The following HCN3 variants were observed in gnomAD, a reference collection of about 807,000 sequenced individuals.
HCN3 encodes potassium/sodium hyperpolarization-activated cyclic nucleotide-gated channel 3.
In HCN3, 36 loss-of-function variants were observed where a neutral mutation model predicts 56.8. The ratio of observed to expected loss-of-function variants is 0.63; its 90% CI spans 0.49 to 0.84. The LOEUF is 0.84. Ranked by LOEUF, HCN3 falls within the 40% of genes least tolerant of loss-of-function variation. The pLI is 0.00. For synonymous variants in HCN3, 425 were observed against 439.7 expected (o/e 0.97, Z 0.42); for missense variants, 930 against 1,079.3 (o/e 0.86, Z 1.94).
chr1:155,277,998 A>G, intron 1 of HCN3, 130 bp downstream of exon 1: 1 of 1,160,894 alleles, frequency 8.6e-7, no homozygotes, highest in Non-Finnish European at 1.2e-6. Flanking sequence ...GTGGGGCGGG[A>G]GAGTCACTTG....
rs769959040 is a variant in HCN3 at position 155,288,307 on chromosome 1, A to AACAGGCG, written c.2171_2177dup (p.Gly727ArgfsTer8). On this transcript the variant is annotated frameshift_variant, in exon 8 of 8. Transcript: ENST00000368358. LOFTEE classifies it high-confidence loss of function. This position sits in a 1 kb window ranked among gnomAD's most constrained non-coding sequence, Gnocchi z 6.5. ...CCCAACCCTCTCTGCCTCAGCGGGC[A>AACAGGCG]ACAGGCGATGGCTCTCCTGGGCGTA... is the stretch of plus-strand genomic sequence containing the variant. The AACAGGCG allele has an allele frequency of 1.2e-6, 2 of 1,613,194 alleles. No individual in the cohort carries two copies. Among genetic ancestry groups the AACAGGCG allele is most frequent in the Non-Finnish European group, 1.7e-6 (2 of 1,179,822 alleles).
chr1:155,287,052 T>A (rs1272197700), intron 6 of HCN3, 121 bp from the exon 7 acceptor site: 1 of 1,121,840 alleles, frequency 8.9e-7, no homozygotes, highest in African/African-American at 1.6e-5. Flanking sequence ...TAATAGGTAA[T>A]CAATGGTTTC....
At chr1:155,283,256 C>A (rs1674147550) in intron 2 of HCN3, among the ~76,000 whole-genome samples, 1 of 152,008 alleles carries the variant, frequency 6.6e-6, no homozygotes, top group African/African-American at 2.4e-5. Flanking sequence ...CTATAGGAGA[C>A]TTGGTTTTCT....
In HCN3 at chr1:155,282,696, A is replaced by C. The variant is rs777544371; in HGVS notation, c.564A>C (p.Leu188=). 1 of 1,614,040 alleles carries C rather than the reference A, an allele frequency of 6.2e-7. No homozygotes were observed. The highest frequency in any genetic ancestry group is 2.2e-5 in the East Asian group (1 of 44,866). The part of the protein sequence containing the change: ...ISSIPVDYIF[L]VVELEPRLDA... ...CTATCCCTGTGGATTACATCTTCCT[A>C]GTGGTGGAGCTGGAGCCACGGTTGG... Residue 188 remains leucine (L), a synonymous_variant, in exon 2 of 8, where the codon CTA becomes CTC. Coordinates refer to ENST00000368358, the MANE Select transcript of HCN3 (RefSeq NM_020897.3). This position sits in a 1 kb window ranked among gnomAD's most constrained non-coding sequence, Gnocchi z 4.7.
In HCN3 at chr1:155,284,188, C is replaced by A; in HGVS notation, c.870+53C>A. ...CCTGGGCCTTCTTAGGGCTCTTCTGCCTGAGTAGCAGGGATGGCCACAGGG... is the reference window on the plus strand; with the variant it reads ...CCTGGGCCTTCTTAGGGCTCTTCTGACTGAGTAGCAGGGATGGCCACAGGG... On this transcript the variant is annotated intron_variant, in intron 3 of 7. Transcript: ENST00000368358. This position sits in a 1 kb window ranked among gnomAD's most constrained non-coding sequence, Gnocchi z 4.3. 1.9e-6 allele frequency: 3 copies of A among 1,589,712 alleles called. No homozygotes were observed. The highest frequency in any genetic ancestry group is 2.6e-6 in the Non-Finnish European group (3 of 1,163,010).
Position 155,285,240 on chromosome 1 carries a change from G to A in HCN3, c.1165G>A (p.Glu389Lys). The A allele has an allele frequency of 6.2e-7, 1 of 1,614,228 alleles. No individual in the cohort carries two copies. Among genetic ancestry groups the A allele is most frequent in the Non-Finnish European group, 8.5e-7 (1 of 1,180,034 alleles). The change falls in exon 5 of 8, where the codon GAG (glutamate) becomes AAG (lysine). Residue 389 changes from glutamate (E) to lysine (K), a missense_variant. Transcript: ENST00000368358. The surrounding 1 kb of genome is among the most constrained non-coding windows in gnomAD (Gnocchi z 4.5). ...GCGGCAGCGCATCCACGAGTACTAT[G>A]AGCACCGCTACCAGGGCAAGATGTT... ...DTRQRIHEYY[E>K]HRYQGKMFDE...
intron 1 of HCN3, among the ~76,000 whole-genome samples, chr1:155,281,232 A>G (rs911347863): frequency 3.3e-5 from 5 of 150,778 alleles, no homozygotes; most frequent in African/African-American, 1.2e-4. Flanking sequence ...CACCATGCCC[A>G]GCTAATTTTT....
rs573851200 is a variant in HCN3 at position 155,281,342 on chromosome 1, T to A, written c.279-1069T>A. ...TCTTGGCCTCCCAAAGTGCTGGGAT[T>A]ACAGGCGTGAGCCACCACACCTGGC... On this transcript the variant is annotated intron_variant, in intron 1 of 7. Coordinates refer to ENST00000368358, the MANE Select transcript of HCN3 (RefSeq NM_020897.3). Among the ~76,000 whole-genome samples, 7 of 152,070 alleles carry A rather than the reference T, an allele frequency of 4.6e-5. No homozygotes were observed. In the East Asian group the frequency reaches 1.4e-3, roughly 29 times the overall value.
At position 155,288,745 on chromosome 1, in the gene HCN3, A is replaced by G; in HGVS notation, c.*282A>G. On this transcript the variant is annotated 3_prime_UTR_variant, in exon 8 of 8. Transcript: ENST00000368358. This position sits in a 1 kb window ranked among gnomAD's most constrained non-coding sequence, Gnocchi z 6.5. ...GCGCTGTATGTCTCCACTGCCAAGT[A>G]GAAGTGACTCAAAACCCTCTGACAA... The G allele has an allele frequency of 2.2e-6, 1 of 448,194 alleles. No individual in the cohort carries two copies. Among genetic ancestry groups the G allele is most frequent in the African/African-American group, 2.0e-5 (1 of 50,410 alleles). 27.8% of individuals were successfully genotyped at this position (448,194 alleles called of 1,614,324 possible).
rs1024016975 is a variant in HCN3 at position 155,284,474 on chromosome 1, G to A, written c.871-65G>A. 18 of 1,481,040 alleles carry A rather than the reference G, an allele frequency of 1.2e-5. No individual in the cohort carries two copies. In the Admixed American group the frequency reaches 2.7e-4, roughly 23 times the overall value. 91.7% of individuals were successfully genotyped at this position (1,481,040 alleles called of 1,614,324 possible). On this transcript the variant is annotated intron_variant, in intron 3 of 7. Transcript: ENST00000368358. The surrounding 1 kb of genome is among the most constrained non-coding windows in gnomAD (Gnocchi z 4.3). Reference sequence around the variant, plus strand: ...GACAGAAAGACCAAAGAAGGAAAAGGGGCAGGCAGAGAATGAGGCTCCGAG... The same window carrying A: ...GACAGAAAGACCAAAGAAGGAAAAGAGGCAGGCAGAGAATGAGGCTCCGAG...
chr1:155,286,440 A>T (rs12724449), intron 6 of HCN3, among the ~76,000 whole-genome samples: 3 of 152,118 alleles, frequency 2.0e-5, no homozygotes, highest in South Asian at 2.1e-4. Flanking sequence ...TCACCGTGCC[A>T]GGCCTGAGCT....
chr1:155,287,666 C>A (rs1674344653), intron 7 of HCN3, 115 bp from the exon 8 acceptor site: 3 of 1,380,384 alleles, frequency 2.2e-6, no homozygotes, highest in South Asian at 2.9e-5. Flanking sequence ...CTACTGACTC[C>A]CATCCCCTAC....
Position 155,282,760 on chromosome 1 carries a change from G to A in HCN3, c.628G>A (p.Val210Ile). 6.2e-7 allele frequency: 1 copy of A among 1,614,042 alleles called. No homozygotes were observed. Among genetic ancestry groups the A allele is most frequent in the Non-Finnish European group, 8.5e-7 (1 of 1,180,008 alleles). ...CAAAACGGCACGGGCCCTACGCATC[G>A]TTCGCTTCACCAAGATCCTAAGCCT... is the stretch of plus-strand genomic sequence containing the variant. The part of the protein sequence containing the change: ...VYKTARALRI[V>I]RFTKILSLLR... The change falls in exon 2 of 8, where the codon GTT becomes ATT. Residue 210 changes from valine (V) to isoleucine (I), a missense_variant. Val to Ile is a conservative substitution (Grantham distance 29, BLOSUM62 3). Transcript: ENST00000368358. The surrounding 1 kb of genome is among the most constrained non-coding windows in gnomAD (Gnocchi z 4.7).
At position 155,282,322 on chromosome 1, in the gene HCN3, A is replaced by G. The variant is rs980897434; in HGVS notation, c.279-89A>G. ...ATTCTGTTATTGTGTATCTTTGCCC[A>G]TTCTTGGCCATGTCAGCCTATCTTC... On this transcript the variant is annotated intron_variant, in intron 1 of 7. Coordinates refer to ENST00000368358, the MANE Select transcript of HCN3 (RefSeq NM_020897.3). This position sits in a 1 kb window ranked among gnomAD's most constrained non-coding sequence, Gnocchi z 4.7. 142 of 1,263,366 alleles carry G rather than the reference A, an allele frequency of 1.1e-4. No individual in the cohort carries two copies. Among genetic ancestry groups the G allele is most frequent in the Non-Finnish European group, 1.6e-4 (138 of 882,220 alleles). 78.3% of individuals were successfully genotyped at this position (1,263,366 alleles called of 1,614,324 possible). A position where few individuals can be genotyped will look rare whatever the true frequency, so the allele number is the denominator to read the frequency against.
chr1:155,284,796 G>T lies in HCN3; in HGVS notation c.1089+39G>T, dbSNP rs770630670. 2 of 1,561,834 alleles carry T rather than the reference G, an allele frequency of 1.3e-6. No individual in the cohort carries two copies. Among genetic ancestry groups the T allele is most frequent in the South Asian group, 1.2e-5 (1 of 85,310 alleles). On this transcript the variant is annotated intron_variant, in intron 4 of 7. Coordinates refer to ENST00000368358, the MANE Select transcript of HCN3 (RefSeq NM_020897.3). This position sits in a 1 kb window ranked among gnomAD's most constrained non-coding sequence, Gnocchi z 4.3. ...GGAGAGGGAGGTGTGGCATGGAGGG[G>T]TGTTGGAGACTGGGTAGCCTGACTT...
Position 155,277,831 on chromosome 1 carries a change from G to C in HCN3, c.241G>C (p.Ala81Pro). ...VEIEQERVKS[A>P]GAWIIHPYSD... The stretch of plus-strand genomic sequence containing the variant: ...AATCGAGCAGGAGCGGGTGAAGTCA[G>C]CGGGGGCCTGGATCATCCACCCCTA... Residue 81 changes from alanine to proline, a missense_variant, in exon 1 of 8, where the codon GCG becomes CCG. By Grantham distance (27) the Ala-to-Pro change is conservative. Coordinates refer to ENST00000368358, the MANE Select transcript of HCN3 (RefSeq NM_020897.3). The C allele has an allele frequency of 6.2e-7, 1 of 1,612,316 alleles. No individual in the cohort carries two copies. The highest frequency in any genetic ancestry group is 8.5e-7 in the Non-Finnish European group (1 of 1,179,970).
In HCN3 at chr1:155,288,350, C is replaced by G; in HGVS notation, c.2212C>G (p.Arg738Gly). 1 of 1,613,888 alleles carries G rather than the reference C, an allele frequency of 6.2e-7. No individual in the cohort carries two copies. Among genetic ancestry groups the G allele is most frequent in the Non-Finnish European group, 8.5e-7 (1 of 1,180,004 alleles). Residue 738 changes from arginine to glycine, a missense_variant, in exon 8 of 8, where the codon CGG becomes GGG. Coordinates refer to ENST00000368358, the MANE Select transcript of HCN3 (RefSeq NM_020897.3). The surrounding 1 kb of genome is among the most constrained non-coding windows in gnomAD (Gnocchi z 6.5). The stretch of plus-strand genomic sequence containing the variant: ...TGGGCGTAAGGGATCAGGAAGTGAG[C>G]GGCTGCCTCCCTCAGGGCTCCTGGC... The part of the protein sequence containing the change: ...SPGRKGSGSE[R>G]LPPSGLLAKP...
chr1:155,284,222 G>A lies in HCN3; in HGVS notation c.870+87G>A. The A allele has an allele frequency of 6.8e-7, 1 of 1,478,142 alleles. No homozygotes were observed. Among genetic ancestry groups the A allele is most frequent in the South Asian group, 1.2e-5 (1 of 81,280 alleles). 91.6% of individuals were successfully genotyped at this position (1,478,142 alleles called of 1,614,324 possible). ...CAGGGATGGCCACAGGGAGCAGGAG[G>A]TGGGAGATGATCACAACAGAAAATA... On this transcript the variant is annotated intron_variant, in intron 3 of 7. Coordinates refer to ENST00000368358, the MANE Select transcript of HCN3 (RefSeq NM_020897.3). The surrounding 1 kb of genome is among the most constrained non-coding windows in gnomAD (Gnocchi z 4.3).
intron 7 of HCN3, 50 bp from the exon 8 acceptor site, chr1:155,287,731 C>T: frequency 2.0e-6 from 3 of 1,534,624 alleles, no homozygotes; most frequent in Non-Finnish European, 2.6e-6. Flanking sequence ...CAACATCCAT[C>T]TTGGATTCCT....
Sources: gnomAD v4.1 joint callset for allele counts (sites outside exome capture counted in the v4.1 genomes callset) on GRCh38, gnomAD v4.1.1 for gene constraint, Gnocchi (gnomAD v3.1) non-coding constraint, MANE v1.5 for transcripts, NCBI Gene and HGNC (gene_info 2026-07-23, HGNC 2026-07-21) for gene names.